The following CACNG3 variants were observed in gnomAD, a reference collection of about 807,000 sequenced individuals.
The protein encoded by CACNG3 is voltage-dependent calcium channel gamma-3 subunit.
A neutral mutation model predicts 28.5 loss-of-function variants in CACNG3; 3 were observed. The ratio of observed to expected loss-of-function variants is 0.11; its 90% CI spans 0.05 to 0.27. The LOEUF (loss-of-function observed/expected upper bound fraction) is 0.27. CACNG3 is among the 10% of genes least tolerant of loss of function. The pLI, the probability that CACNG3 is intolerant of heterozygous loss-of-function variation, is 1.00. For synonymous variants in CACNG3, 174 were observed against 162.2 expected (o/e 1.07, Z -0.55); for missense variants, 236 against 414.4 (o/e 0.57, Z 3.74).
At chr16:24,275,752 G>A (rs1042069601) in intron 1 of CACNG3, among the ~76,000 whole-genome samples, 2 of 152,204 alleles carry the variant, frequency 1.3e-5, no homozygotes, top group African/African-American at 2.4e-5. Context: ...TTGTGTCCCT[G>A]TGAGCCAATG....
chr16:24,352,565 G>T (rs943393144), intron 2 of CACNG3, among the ~76,000 whole-genome samples: 1 of 151,832 alleles, frequency 6.6e-6, no homozygotes, highest in Non-Finnish European at 1.5e-5. Context: ...TTGAAACAAG[G>T]TCTCACTCTA....
intron 1 of CACNG3, among the ~76,000 whole-genome samples, chr16:24,330,843 TCAGA>T (rs1277866519): frequency 1.3e-5 from 2 of 152,210 alleles, no homozygotes; most frequent in Non-Finnish European, 2.9e-5. Flanking sequence ...AAGAAGACTT[TCAGA>T]CACTCTAAAC....
At chr16:24,349,605 C>G (rs79224127) in intron 2 of CACNG3, among the ~76,000 whole-genome samples, 1 of 152,142 alleles carries the variant, frequency 6.6e-6, no homozygotes, top group African/African-American at 2.4e-5. Flanking sequence ...AGTGTCACGG[C>G]GCTGGCGAGA....
chr16:24,311,517 A>ATAAACAAAT (rs1899263251), intron 1 of CACNG3, among the ~76,000 whole-genome samples: 1 of 151,678 alleles, frequency 6.6e-6, no homozygotes, highest in Non-Finnish European at 1.5e-5. Flanking sequence ...TCAAAAAAAA[A>ATAAACAAAT]AAAAGTGCTA....
At chr16:24,311,949 G>T (rs922904619) in intron 1 of CACNG3, among the ~76,000 whole-genome samples, 1 of 152,242 alleles carries the variant, frequency 6.6e-6, no homozygotes, top group African/African-American at 2.4e-5. Context: ...ACAGACCAGG[G>T]TATTTCTGGT....
chr16:24,348,543 G>C (rs1421439933), intron 2 of CACNG3, among the ~76,000 whole-genome samples: 1 of 152,208 alleles, frequency 6.6e-6, no homozygotes, highest in Non-Finnish European at 1.5e-5. Context: ...TGTGATCACT[G>C]TCTCATTGTA....
At chr16:24,257,642 A>C (rs1313749275) in intron 1 of CACNG3, among the ~76,000 whole-genome samples, 1 of 152,192 alleles carries the variant, frequency 6.6e-6, no homozygotes, top group Non-Finnish European at 1.5e-5. Context: ...AGTTTGGATC[A>C]CAACAAAACT....
intron 3 of CACNG3, among the ~76,000 whole-genome samples, chr16:24,359,650 C>T (rs897041742): frequency 1.3e-5 from 2 of 151,964 alleles, no homozygotes; most frequent in African/African-American, 4.8e-5. Flanking sequence ...TCACTTGAGG[C>T]CAGGAGTTCA....
chr16:24,342,790 A>T (rs1483476705), intron 1 of CACNG3, among the ~76,000 whole-genome samples: 1 of 152,164 alleles, frequency 6.6e-6, no homozygotes, highest in East Asian at 1.9e-4. Context: ...GTCACAAATA[A>T]TATTCTTTCG....
At chr16:24,329,577 G>C (rs1899605092) in intron 1 of CACNG3, among the ~76,000 whole-genome samples, 1 of 152,168 alleles carries the variant, frequency 6.6e-6, no homozygotes, top group Non-Finnish European at 1.5e-5. Context: ...GGTCTCTCAG[G>C]AGTTGAGACG....
At chr16:24,351,808 C>T (rs1471119972) in intron 2 of CACNG3, among the ~76,000 whole-genome samples, 1 of 148,580 alleles carries the variant, frequency 6.7e-6, no homozygotes, top group African/African-American at 2.5e-5. Flanking sequence ...AAGCAAAATC[C>T]CTTCCATCTT....
At chr16:24,259,950 C>T (rs918947808) in intron 1 of CACNG3, among the ~76,000 whole-genome samples, 14 of 152,196 alleles carry the variant, frequency 9.2e-5, no homozygotes, top group Non-Finnish European at 2.1e-4. Flanking sequence ...CTGAGGTAGA[C>T]CAGGAAAATC....
chr16:24,259,846 T>A (rs1450572537), intron 1 of CACNG3, among the ~76,000 whole-genome samples: 2 of 152,180 alleles, frequency 1.3e-5, no homozygotes, highest in Non-Finnish European at 2.9e-5. Flanking sequence ...ACTACATCGT[T>A]TCCCAACTTT....
chr16:24,326,308 A>G (rs989954837), intron 1 of CACNG3, among the ~76,000 whole-genome samples: 4 of 151,882 alleles, frequency 2.6e-5, no homozygotes, highest in African/African-American at 9.7e-5. Flanking sequence ...AGTAGCTGGG[A>G]TTACAGGCAT....
intron 1 of CACNG3, among the ~76,000 whole-genome samples, chr16:24,317,068 T>C (rs1711904582): frequency 6.6e-6 from 1 of 152,152 alleles, no homozygotes; most frequent in Non-Finnish European, 1.5e-5. Flanking sequence ...AAGGGTCCCA[T>C]GAGTGACCCT....
rs761999416 is a variant in CACNG3, at chr16:24,323,219, C to CAAAAA, written c.212-23498_212-23494dup. Among the ~76,000 whole-genome samples the CAAAAA allele has an allele frequency of 1.9e-3, 124 of 66,540 alleles. 2 individuals carry two copies. Among genetic ancestry groups the CAAAAA allele is most frequent in the East Asian group, 2.6e-3 (5 of 1,944 alleles). 43.7% of individuals were successfully genotyped at this position (66,540 alleles called of 152,430 possible). A position where few individuals can be genotyped will look rare whatever the true frequency, so the allele number is the denominator to read the frequency against. ...TCAGCCTGGGCCACAGAGCAGGACTCAAAAAAAAAAAAAAAAAAAAAGAGA... is the reference window on the plus strand; with the variant it reads ...TCAGCCTGGGCCACAGAGCAGGACTCAAAAAAAAAAAAAAAAAAAAAAAAAAGAGA... On this transcript the variant is annotated intron_variant, in intron 1 of 3. Coordinates refer to ENST00000005284, the MANE Select transcript of CACNG3 (RefSeq NM_006539.4).
intron 2 of CACNG3, among the ~76,000 whole-genome samples, chr16:24,353,659 C>T (rs2283556): frequency 0.23 from 35,557 of 152,160 alleles, 5,209 homozygotes; most frequent in South Asian, 0.46. Flanking sequence ...CTGCAGCACC[C>T]GCCACAACAC....
intron 3 of CACNG3, among the ~76,000 whole-genome samples, chr16:24,360,087 C>T (rs993850229): frequency 3.3e-5 from 5 of 152,102 alleles, no homozygotes; most frequent in African/African-American, 9.7e-5. Context: ...TGGTTACTCA[C>T]CAACTGTTGT....
At chr16:24,355,195 C>G (rs714822) in intron 3 of CACNG3, among the ~76,000 whole-genome samples, 22,073 of 151,782 alleles carry the variant, frequency 0.15, 1,679 homozygotes, top group Non-Finnish European at 0.14. Flanking sequence ...CAGCATGGCA[C>G]GATCAGCTGA....
Sources: allele counts gnomAD v4.1 joint callset (sites outside exome capture counted in the v4.1 genomes callset), GRCh38; gene constraint gnomAD v4.1.1; transcripts MANE v1.5; gene names NCBI Gene and HGNC (gene_info 2026-07-23, HGNC 2026-07-21).